The following RABGAP1L variants were observed in gnomAD, a reference collection of about 807,000 sequenced individuals.
RABGAP1L encodes the protein rab GTPase-activating protein 1-like.
A neutral mutation model predicts 137.7 loss-of-function variants in RABGAP1L; 63 were observed. That is an observed-to-expected ratio of 0.46 (90% CI 0.37 to 0.56). The LOEUF is 0.56. RABGAP1L is among the 20% of genes least tolerant of loss of function. The pLI, the probability that RABGAP1L is intolerant of heterozygous loss-of-function variation, is 0.00. For missense variants in RABGAP1L, 1,095 were observed against 1,244.0 expected (o/e 0.88, Z 1.80); for synonymous variants, 431 against 433.7 (o/e 0.99, Z 0.08).
At chr1:174,759,302 A>AG (rs1414927337) in intron 18 of RABGAP1L, among the ~76,000 whole-genome samples, 124 of 151,472 alleles carry the variant, frequency 8.2e-4, no homozygotes, top group African/African-American at 2.9e-3. Flanking sequence ...AAAAAAAAAA[A>AG]AAGAAGTTTC....
chr1:174,178,924 A>G (rs1666119349), intron 1 of RABGAP1L, among the ~76,000 whole-genome samples: 1 of 152,208 alleles, frequency 6.6e-6, no homozygotes, highest in Admixed American at 6.5e-5. Flanking sequence ...AGGTGCAGCA[A>G]ACCACCATGG....
chr1:174,215,457 C>CA (rs776126975), intron 1 of RABGAP1L, among the ~76,000 whole-genome samples: 27,602 of 120,804 alleles, frequency 0.23, 3,029 homozygotes, highest in Admixed American at 0.27. Context: ...AACTCCATCT[C>CA]AAAAAAAAAA....
At chr1:174,464,208 G>A (rs1156646963) in intron 13 of RABGAP1L, among the ~76,000 whole-genome samples, 2 of 152,046 alleles carry the variant, frequency 1.3e-5, no homozygotes, top group Non-Finnish European at 2.9e-5. Context: ...TAAACCTTTG[G>A]GGTTTATTGC....
At chr1:174,680,829 G>A (rs1678008481) in intron 14 of RABGAP1L, among the ~76,000 whole-genome samples, 1 of 152,130 alleles carries the variant, frequency 6.6e-6, no homozygotes, top group Non-Finnish European at 1.5e-5. Context: ...GGGAGGCAGA[G>A]GCTGTAGTGA....
In RABGAP1L at chr1:174,241,508, G is replaced by A; in HGVS notation, c.568G>A (p.Glu190Lys). 1 of 1,603,586 alleles carries A rather than the reference G, an allele frequency of 6.2e-7. No individual in the cohort carries two copies. The highest frequency in any genetic ancestry group is 1.1e-5 in the South Asian group (1 of 88,946). ...AATTATAGACCAATCCAGCAATGTGGAGATAGCATCTTTTCCAATCTATAA... is the reference window on the plus strand; with the variant it reads ...AATTATAGACCAATCCAGCAATGTGAAGATAGCATCTTTTCCAATCTATAA... ...VRIIDQSSNV[E>K]IASFPIYKVL... Residue 190 changes from glutamate (E) to lysine (K), a missense_variant, in exon 5 of 26, where the codon GAG becomes AAG. This residue lies in a region of RABGAP1L where 356 missense variants were observed against 326.3 expected (regional missense o/e 1.09). Transcript: ENST00000681986.
chr1:174,534,775 C>CAAAAAAAAGAAAAAAAAAAAAAAAAAAA (rs1664753893), intron 13 of RABGAP1L, among the ~76,000 whole-genome samples: 1 of 71,612 alleles, frequency 1.4e-5, no homozygotes. Flanking sequence ...ACTCTGTCTC[C>CAAAAAAAAGAAAAAAAAAAAAAAAAAAA]AAAAAAAAAA....
intron 12 of RABGAP1L, among the ~76,000 whole-genome samples, chr1:174,392,084 A>C (rs2149078719): frequency 6.6e-6 from 1 of 152,304 alleles, no homozygotes; most frequent in African/African-American, 2.4e-5. Flanking sequence ...ATATTTTGTG[A>C]AGCATAATTA....
rs540704849 is a variant in RABGAP1L at position 174,715,884 on chromosome 1, C to A, written c.2169+13628C>A. ...TCCTTCACCTGATGCTCCTGGTATT[C>A]TTTTCCAGCTGCACTTTTCAGGCAC... On this transcript the variant is annotated intron_variant, in intron 17 of 25. Transcript: ENST00000681986. 2.6e-5 allele frequency among the ~76,000 whole-genome samples: 4 copies of A among 152,322 alleles called. No homozygotes were observed. The East Asian group carries it at 7.7e-4, about 29-fold the overall frequency.
At chr1:174,531,116 C>T (rs980012612) in intron 13 of RABGAP1L, among the ~76,000 whole-genome samples, 2 of 152,044 alleles carry the variant, frequency 1.3e-5, no homozygotes, top group African/African-American at 2.4e-5. Flanking sequence ...ATATAGTAGA[C>T]GCTTTCATTT....
rs1197171202 is a variant in RABGAP1L at position 174,991,056 on chromosome 1, A to ACTTT, written c.*1055_*1056insCTTT. 1 of 152,294 alleles carries ACTTT rather than the reference A, an allele frequency of 6.6e-6. No homozygotes were observed. Among genetic ancestry groups the ACTTT allele is most frequent in the Non-Finnish European group, 1.5e-5 (1 of 68,004 alleles). The allele number at this position is 152,294 out of a possible 1,614,324, so 9.4% of individuals were successfully genotyped here. A position where few individuals can be genotyped will look rare whatever the true frequency, so the allele number is the denominator to read the frequency against. ...TTTCTGATTTCTGTAGTTCCCTGAA[A>ACTTT]ATGTGTCCTTCGTACCCATAAAGAG... On this transcript the variant is annotated 3_prime_UTR_variant, in exon 26 of 26. Transcript: ENST00000681986.
chr1:174,919,717 C>T (rs779844243), intron 19 of RABGAP1L, among the ~76,000 whole-genome samples: 1 of 151,964 alleles, frequency 6.6e-6, no homozygotes, highest in African/African-American at 2.4e-5. Flanking sequence ...ATTATCTGGG[C>T]ACAGTGGTTA....
At chr1:174,796,315 G>T (rs185108677) in intron 18 of RABGAP1L, among the ~76,000 whole-genome samples, 20 of 152,252 alleles carry the variant, frequency 1.3e-4, no homozygotes, top group African/African-American at 4.8e-4. Context: ...AGAATGTTCT[G>T]TGATTGTTCT....
At chr1:174,187,227 G>C (rs1666870659) in intron 1 of RABGAP1L, among the ~76,000 whole-genome samples, 1 of 151,660 alleles carries the variant, frequency 6.6e-6, no homozygotes, top group African/African-American at 2.4e-5. Context: ...CTCCCCACAA[G>C]CCCACTAATA....
intron 10 of RABGAP1L, among the ~76,000 whole-genome samples, chr1:174,287,917 C>G (rs549388661): frequency 6.6e-6 from 1 of 152,102 alleles, no homozygotes; most frequent in African/African-American, 2.4e-5. Flanking sequence ...TTCTCTTTTG[C>G]TGTCTTTCTT....
chr1:174,373,712 G>T (rs983254136), intron 12 of RABGAP1L, among the ~76,000 whole-genome samples: 1 of 152,186 alleles, frequency 6.6e-6, no homozygotes, highest in Non-Finnish European at 1.5e-5. Flanking sequence ...GATATAGCTG[G>T]TGCTGGCAAT....
chr1:174,278,663 G>T lies in RABGAP1L; in HGVS notation c.1207G>T (p.Val403Leu), dbSNP rs778802482. Residue 403 changes from valine (V) to leucine (L), a missense_variant, in exon 10 of 26, where the codon GTG becomes TTG. Val to Leu is a conservative substitution (Grantham distance 32). Coordinates refer to ENST00000681986, the MANE Select transcript of RABGAP1L (RefSeq NM_001366446.1). ...AGTGGATATGGTAGTCACAGAGGTG[G>T]TGGAGCCTGTTCGCTTTCTCCTGGA... ...VAVDMVVTEVVEPVRFLLETV... is the reference protein window; with the variant it reads ...VAVDMVVTEVLEPVRFLLETV... 1 of 1,613,546 alleles carries T rather than the reference G, an allele frequency of 6.2e-7. No homozygotes were observed. Among genetic ancestry groups the T allele is most frequent in the Non-Finnish European group, 8.5e-7 (1 of 1,179,744 alleles).
intron 19 of RABGAP1L, among the ~76,000 whole-genome samples, chr1:174,944,383 C>G (rs1274266783): frequency 1.3e-5 from 2 of 151,444 alleles, no homozygotes; most frequent in African/African-American, 4.9e-5. Flanking sequence ...GTGGCTTACA[C>G]CTGTAATGCC....
At position 174,720,290 on chromosome 1, in the gene RABGAP1L, T is replaced by TAGACAGAC. The variant is rs1553241062; in HGVS notation, c.2169+18038_2169+18045dup. Among the ~76,000 whole-genome samples the TAGACAGAC allele has an allele frequency of 4.0e-3, 571 of 141,730 alleles. 8 individuals are homozygous for TAGACAGAC. Among genetic ancestry groups the TAGACAGAC allele is most frequent in the African/African-American group, 0.013 (475 of 36,404 alleles). 93.0% of individuals were successfully genotyped at this position (141,730 alleles called of 152,430 possible). ...ATAGATAGATAGATAGATAGATAGA[T>TAGACAGAC]AGACAGACAGATAGTTGGTTTTTTT... On this transcript the variant is annotated intron_variant, in intron 17 of 25. Coordinates refer to ENST00000681986, the MANE Select transcript of RABGAP1L (RefSeq NM_001366446.1).
chr1:174,550,889 TATATATACACAC>T (rs1666395963), intron 13 of RABGAP1L, among the ~76,000 whole-genome samples: 1 of 87,038 alleles, frequency 1.1e-5, no homozygotes, highest in African/African-American at 7.9e-5. Context: ...TATATATATA[TATATATACACAC>T]ACACATATAC....
Sources: gnomAD v4.1 joint callset for allele counts (sites outside exome capture counted in the v4.1 genomes callset) on GRCh38, gnomAD v4.1.1 for gene constraint, gnomAD v4.1.1 regional missense constraint, MANE v1.5 for transcripts, NCBI Gene and HGNC (gene_info 2026-07-23, HGNC 2026-07-21) for gene names.